The following GALNT7 variants were observed in gnomAD, a reference collection of about 807,000 sequenced individuals.
The protein encoded by GALNT7 is N-acetylgalactosaminyltransferase 7.
Under a neutral mutation model 82.1 loss-of-function variants are expected in GALNT7, and 60 were observed. That is an observed-to-expected ratio of 0.73 (90% CI 0.59 to 0.91). The LOEUF is 0.91. Among genes scored for constraint, GALNT7 ranks in the 40% least tolerant of loss-of-function variants. GALNT7 has a pLI of 0.00. For missense variants in GALNT7, 660 were observed against 804.2 expected (o/e 0.82, Z 2.17); for synonymous variants, 243 against 275.1 (o/e 0.88, Z 1.15).
intron 1 of GALNT7, among the ~76,000 whole-genome samples, chr4:173,230,152 A>G (rs1021117287): frequency 3.9e-5 from 6 of 152,330 alleles, no homozygotes; most frequent in Middle Eastern, 3.4e-3. Context: ...TAGTCTTCCA[A>G]TAAATTATTG....
chr4:173,216,061 T>G (rs1561157547), intron 1 of GALNT7, among the ~76,000 whole-genome samples: 1 of 152,214 alleles, frequency 6.6e-6, no homozygotes, highest in Non-Finnish European at 1.5e-5. Context: ...AAAGCAGATG[T>G]TGCAGTGAGC....
At chr4:173,281,458 C>T (rs1736105226) in intron 2 of GALNT7, among the ~76,000 whole-genome samples, 1 of 152,148 alleles carries the variant, frequency 6.6e-6, no homozygotes, top group Admixed American at 6.5e-5. Context: ...CACATGTCAT[C>T]CTATTCCTTA....
chr4:173,212,312 A>G (rs1733305862), intron 1 of GALNT7, among the ~76,000 whole-genome samples: 1 of 152,178 alleles, frequency 6.6e-6, no homozygotes, highest in African/African-American at 2.4e-5. Flanking sequence ...AATCAACTTA[A>G]GTCTACAAAA....
intron 9 of GALNT7, among the ~76,000 whole-genome samples, chr4:173,314,890 A>G (rs1210205727): frequency 1.3e-5 from 2 of 152,196 alleles, no homozygotes; most frequent in African/African-American, 4.8e-5. Flanking sequence ...TATGTTCAGC[A>G]AATATTGGTT....
intron 6 of GALNT7, among the ~76,000 whole-genome samples, chr4:173,300,301 C>T (rs1283019367): frequency 6.6e-6 from 1 of 152,020 alleles, no homozygotes; most frequent in Non-Finnish European, 1.5e-5. Context: ...AATGATTGTG[C>T]CACTGTACTG....
chr4:173,194,924 A>G (rs778954857), intron 1 of GALNT7, among the ~76,000 whole-genome samples: 6 of 152,172 alleles, frequency 3.9e-5, no homozygotes, highest in Non-Finnish European at 5.9e-5. Context: ...GCTGTTGAAG[A>G]GATCAGTGAA....
rs77571427 is a variant in GALNT7, at chr4:173,188,855, C to T, written c.126+19894C>T. On this transcript the variant is annotated intron_variant, in intron 1 of 11. Transcript: ENST00000265000. ...TTCCTGATTATGATTGATGGTAATG[C>T]TCTTTAGCACGTGGCTGTTTCCCCA... 1.8e-4 allele frequency among the ~76,000 whole-genome samples: 28 copies of T among 152,324 alleles called. No homozygotes were observed. The East Asian group carries it at 5.0e-3, about 27-fold the overall frequency.
chr4:173,298,461 G>C lies in GALNT7; in HGVS notation c.1148+164G>C, dbSNP rs73003347. 1,396 of 552,612 alleles carry C rather than the reference G, an allele frequency of 2.5e-3. 14 individuals carry two copies. Among genetic ancestry groups the C allele is most frequent in the African/African-American group, 0.024 (1,265 of 51,746 alleles). The allele number at this position is 552,612 out of a possible 1,614,324, so 34.2% of individuals were successfully genotyped here. ...TCAGAGCTTTCAATCTGCTCCATTT[G>C]CTCCATTGTAATTGCTTTTACCCTA... On this transcript the variant is annotated intron_variant, in intron 6 of 11. Coordinates refer to ENST00000265000, the MANE Select transcript of GALNT7 (RefSeq NM_017423.3).
chr4:173,197,063 CTTTTTTTTTTT>C (rs5864189), intron 1 of GALNT7, among the ~76,000 whole-genome samples: 4 of 117,954 alleles, frequency 3.4e-5, no homozygotes, highest in South Asian at 2.8e-4. Flanking sequence ...CTCTCTCTCC[CTTTTTTTTTTT>C]TTTTTTTTTG....
At chr4:173,278,620 A>G (rs1359216601) in intron 2 of GALNT7, among the ~76,000 whole-genome samples, 1 of 152,250 alleles carries the variant, frequency 6.6e-6, no homozygotes, top group Non-Finnish European at 1.5e-5. Context: ...GAAATATAAA[A>G]TGGGAAACAT....
At chr4:173,294,057 T>TACAA (rs1292076687) in intron 3 of GALNT7, among the ~76,000 whole-genome samples, 1 of 152,174 alleles carries the variant, frequency 6.6e-6, no homozygotes, top group African/African-American at 2.4e-5. Flanking sequence ...CAGTGTGAAA[T>TACAA]ACAAGGAAGC....
At chr4:173,244,652 A>G (rs1163373773) in intron 1 of GALNT7, among the ~76,000 whole-genome samples, 2 of 152,212 alleles carry the variant, frequency 1.3e-5, no homozygotes, top group Admixed American at 1.3e-4. Flanking sequence ...TGAAGCACTT[A>G]GGACACAGTG....
chr4:173,242,043 G>A (rs1734453375), intron 1 of GALNT7, among the ~76,000 whole-genome samples: 1 of 152,140 alleles, frequency 6.6e-6, no homozygotes, highest in Admixed American at 6.6e-5. Flanking sequence ...GGACGAACTG[G>A]TTTACTGTGT....
chr4:173,203,851 A>C (rs190140057), intron 1 of GALNT7, among the ~76,000 whole-genome samples: 1 of 152,220 alleles, frequency 6.6e-6, no homozygotes, highest in Non-Finnish European at 1.5e-5. Context: ...TTTAACCTTC[A>C]TACTAAAGTA....
intron 2 of GALNT7, among the ~76,000 whole-genome samples, chr4:173,277,024 CGATA>C (rs976635656): frequency 4.6e-5 from 7 of 151,844 alleles, no homozygotes; most frequent in African/African-American, 7.3e-5. Flanking sequence ...TTTAAAGAGA[CGATA>C]GATAGATTGA....
rs9997466 is a variant in GALNT7, at chr4:173,191,359, C to T, written c.126+22398C>T. 9.2e-3 allele frequency among the ~76,000 whole-genome samples: 1,400 copies of T among 152,188 alleles called. 19 individuals carry two copies. Among genetic ancestry groups the T allele is most frequent in the African/African-American group, 0.032 (1,343 of 41,492 alleles). On this transcript the variant is annotated intron_variant, in intron 1 of 11. Coordinates refer to ENST00000265000, the MANE Select transcript of GALNT7 (RefSeq NM_017423.3). ...ACTATGGTGAGTTGCCTTTAAGCAG[C>T]GAGCAAAAGGATGTAAGTCTCTTCC...
chr4:173,214,147 T>G (rs895105938), intron 1 of GALNT7, among the ~76,000 whole-genome samples: 13 of 152,202 alleles, frequency 8.5e-5, no homozygotes, highest in African/African-American at 3.1e-4. Context: ...GTTGTTATTA[T>G]TATTTTTTTG....
intron 1 of GALNT7, among the ~76,000 whole-genome samples, chr4:173,182,715 T>G (rs981160903): frequency 1.5e-5 from 2 of 130,612 alleles, no homozygotes; most frequent in African/African-American, 6.2e-5. Flanking sequence ...CCCCGAATGA[T>G]GAGGCTAGCA....
At chr4:173,224,786 G>T (rs1267133224) in intron 1 of GALNT7, among the ~76,000 whole-genome samples, 7 of 151,890 alleles carry the variant, frequency 4.6e-5, no homozygotes, top group South Asian at 2.1e-4. Context: ...GCCGAGGCGG[G>T]CGGATCACGA....
Sources: gnomAD v4.1 joint callset for allele counts (sites outside exome capture counted in the v4.1 genomes callset) on GRCh38, gnomAD v4.1.1 for gene constraint, MANE v1.5 for transcripts, NCBI Gene and HGNC (gene_info 2026-07-23, HGNC 2026-07-21) for gene names.